Variants in DNAJC3 observed in about 807,000 individuals in gnomAD.
The protein encoded by DNAJC3 is dnaJ homolog subfamily C member 3.
DNAJC3 carries 38 observed loss-of-function variants against 68.6 expected under a neutral mutation model. The observed-to-expected ratio is 0.55, with a 90% CI of 0.43 to 0.73. DNAJC3 has a LOEUF of 0.73. Among genes scored for constraint, DNAJC3 ranks in the 30% least tolerant of loss-of-function variants. DNAJC3 has a pLI of 0.00. For missense variants in DNAJC3, 526 were observed against 591.9 expected, an observed-to-expected ratio of 0.89 and a Z score of 1.16; for synonymous variants, 203 against 204.0, an observed-to-expected ratio of 1.00 and a Z score of 0.04.
chr13:95,716,018 CG>C (rs1881133475), intron 2 of DNAJC3, among the ~76,000 whole-genome samples: 1 of 151,736 alleles, frequency 6.6e-6, no homozygotes, highest in Non-Finnish European at 1.5e-5. Flanking sequence ...GTTAACCGGG[CG>C]TGGTGGCAGG....
At chr13:95,689,852 C>T (rs1022310249) in intron 1 of DNAJC3, among the ~76,000 whole-genome samples, 39 of 152,008 alleles carry the variant, frequency 2.6e-4, no homozygotes, top group Admixed American at 2.0e-3. Context: ...TTTCATTGCT[C>T]GCCCAAAAGT....
At position 95,791,297 on chromosome 13, in the gene DNAJC3, C is replaced by G. The variant is rs1255315315; in HGVS notation, c.*267C>G. Reference sequence around the variant, plus strand: ...CTGGAGGGAAGTGGTCTGAGGCAGGCTCACCCGTGGAAGTGCTCACGTATT... The same window carrying G: ...CTGGAGGGAAGTGGTCTGAGGCAGGGTCACCCGTGGAAGTGCTCACGTATT... On this transcript the variant is annotated 3_prime_UTR_variant, in exon 12 of 12. Transcript: ENST00000602402. The G allele has an allele frequency of 4.4e-6, 2 of 456,102 alleles. No homozygotes were observed. Among genetic ancestry groups the G allele is most frequent in the Non-Finnish European group, 7.8e-6 (2 of 256,454 alleles). The allele number at this position is 456,102 out of a possible 1,614,324, so 28.3% of individuals were successfully genotyped here. A position where few individuals can be genotyped will look rare whatever the true frequency, so the allele number is the denominator to read the frequency against.
chr13:95,730,426 A>G (rs909982100), intron 4 of DNAJC3, among the ~76,000 whole-genome samples: 1 of 152,142 alleles, frequency 6.6e-6, no homozygotes, highest in African/African-American at 2.4e-5. Flanking sequence ...TTCTTCTAGT[A>G]GCTTTATAGT....
intron 2 of DNAJC3, among the ~76,000 whole-genome samples, chr13:95,711,050 A>G (rs1056698402): frequency 6.6e-6 from 1 of 152,080 alleles, no homozygotes; most frequent in African/African-American, 2.4e-5. Context: ...TATTGTTGTA[A>G]TTTACTATAT....
At chr13:95,683,791 TG>T (rs1366820363) in intron 1 of DNAJC3, among the ~76,000 whole-genome samples, 2 of 150,694 alleles carry the variant, frequency 1.3e-5, no homozygotes, top group Non-Finnish European at 3.0e-5. Context: ...AAACTTAGCC[TG>T]TTGTGGAGGT....
chr13:95,779,370 C>CG, intron 9 of DNAJC3, among the ~76,000 whole-genome samples: 1 of 152,034 alleles, frequency 6.6e-6, no homozygotes, highest in African/African-American at 2.4e-5. Flanking sequence ...GTGATCTGCC[C>CG]ACTGCGGCCT....
rs969663533 is a variant in DNAJC3, at chr13:95,683,783, A to C, written c.82+6446A>C. 9.9e-5 allele frequency among the ~76,000 whole-genome samples: 15 copies of C among 151,410 alleles called. No individual in the cohort carries two copies. In the East Asian group the frequency reaches 2.3e-3, roughly 24 times the overall value. ...CTACTAAAAATACAAAAAAAAAAAA[A>C]CTTAGCCTGTTGTGGAGGTGGGCGC... On this transcript the variant is annotated intron_variant, in intron 1 of 11. Transcript: ENST00000602402.
intron 2 of DNAJC3, 62 bp downstream of exon 2, chr13:95,709,399 T>C: frequency 8.9e-7 from 1 of 1,123,586 alleles, no homozygotes; most frequent in Non-Finnish European, 1.3e-6. Flanking sequence ...AATAGCTCTT[T>C]TTTTAAAAAT....
chr13:95,679,988 A>G (rs776410885), intron 1 of DNAJC3, among the ~76,000 whole-genome samples: 1 of 152,206 alleles, frequency 6.6e-6, no homozygotes, highest in Non-Finnish European at 1.5e-5. Context: ...GACAGAAAGT[A>G]TATATCATGA....
intron 1 of DNAJC3, among the ~76,000 whole-genome samples, chr13:95,691,045 A>C (rs1369158233): frequency 1.3e-4 from 10 of 76,496 alleles, no homozygotes; most frequent in South Asian, 5.1e-4. Flanking sequence ...TCCTGGATGG[A>C]GCGGCTGGCC....
At chr13:95,782,406 T>C (rs1883480902) in intron 9 of DNAJC3, among the ~76,000 whole-genome samples, 1 of 152,192 alleles carries the variant, frequency 6.6e-6, no homozygotes, top group Non-Finnish European at 1.5e-5. Context: ...TTGAACTAAT[T>C]TACTCTCCCA....
intron 4 of DNAJC3, among the ~76,000 whole-genome samples, chr13:95,753,640 C>A (rs553130385): frequency 2.0e-5 from 3 of 152,222 alleles, no homozygotes; most frequent in Admixed American, 2.0e-4. Context: ...AAGAAAGGTT[C>A]TATTATTCTA....
At chr13:95,718,747 C>A (rs73550573) in intron 2 of DNAJC3, among the ~76,000 whole-genome samples, 2,594 of 152,270 alleles carry the variant, frequency 0.017, 79 homozygotes, top group African/African-American at 0.06. Flanking sequence ...TCATTTGATT[C>A]TCAGTGGACA....
chr13:95,764,547 T>G (rs903100265), intron 9 of DNAJC3, among the ~76,000 whole-genome samples: 2 of 148,742 alleles, frequency 1.3e-5, no homozygotes, highest in African/African-American at 4.9e-5. Context: ...AAGAGATTCC[T>G]GCCAGATGTT....
At chr13:95,702,066 C>T (rs1217870355) in intron 1 of DNAJC3, among the ~76,000 whole-genome samples, 2 of 152,320 alleles carry the variant, frequency 1.3e-5, no homozygotes, top group East Asian at 3.9e-4. Context: ...CACCAGTATA[C>T]ATGGCCCTAA....
chr13:95,714,749 A>G (rs965284690), intron 2 of DNAJC3, among the ~76,000 whole-genome samples: 1 of 152,228 alleles, frequency 6.6e-6, no homozygotes, highest in African/African-American at 2.4e-5. Context: ...TGTCTTAGAA[A>G]AAGTGTGTCT....
chr13:95,757,900 T>TAGA, intron 5 of DNAJC3, 104 bp downstream of exon 5: 4 of 1,283,758 alleles, frequency 3.1e-6, no homozygotes, highest in Non-Finnish European at 4.1e-6. Flanking sequence ...CAGGAGAAAA[T>TAGA]CAGGTTGGTC....
chr13:95,758,687 G>A (rs9561949), intron 5 of DNAJC3, among the ~76,000 whole-genome samples: 108,629 of 151,770 alleles, frequency 0.72, 40,271 homozygotes, highest in African/African-American at 0.93. Flanking sequence ...AGGGAAACCT[G>A]AGTCTAGGTT....
chr13:95,762,888 G>C (rs775643518), intron 7 of DNAJC3, among the ~76,000 whole-genome samples: 3 of 152,026 alleles, frequency 2.0e-5, no homozygotes, highest in Non-Finnish European at 4.4e-5. Context: ...CTGTTCCTGC[G>C]TTAGTTTGCT....
Sources: gnomAD v4.1 joint callset for allele counts (sites outside exome capture counted in the v4.1 genomes callset) on GRCh38, gnomAD v4.1.1 for gene constraint, MANE v1.5 for transcripts, NCBI Gene and HGNC (gene_info 2026-07-23, HGNC 2026-07-21) for gene names.